Variants in STYXL2 observed in about 807,000 individuals in gnomAD.
STYXL2 encodes the protein serine/threonine/tyrosine interacting like 2.
A neutral mutation model predicts 52.4 loss-of-function variants in STYXL2; 44 were observed. The ratio of observed to expected loss-of-function variants is 0.84; its 90% CI spans 0.66 to 1.08. STYXL2 has a LOEUF of 1.08. Among genes scored for constraint, STYXL2 ranks in the 50% least tolerant of loss-of-function variants. STYXL2 has a pLI of 0.00. For synonymous variants in STYXL2, 604 were observed against 586.9 expected, an observed-to-expected ratio of 1.03 and a Z score of -0.42; for missense variants, 1,604 against 1,471.7, an observed-to-expected ratio of 1.09 and a Z score of -1.47.
chr1:167,127,169 A>C lies in STYXL2; in HGVS notation c.2038A>C (p.Ser680Arg). 1.9e-6 allele frequency: 3 copies of C among 1,614,052 alleles called. No homozygotes were observed. The highest frequency in any genetic ancestry group is 8.5e-7 in the Non-Finnish European group (1 of 1,179,968). ...SADGDTTSVL[S>R]TQSHRSHLSQ... ...TGATGGGGACACGACGTCAGTACTG[A>C]GCACCCAGAGCCACCGCTCCCACCT... Residue 680 changes from serine to arginine, a missense_variant, in exon 6 of 6, where the codon AGC (serine) becomes CGC (arginine). Ser to Arg is a moderately radical substitution (Grantham distance 110, BLOSUM62 -1). Coordinates refer to ENST00000361200, the MANE Select transcript of STYXL2 (RefSeq NM_001080426.3).
rs771254075 is a variant in STYXL2 at position 167,125,948 on chromosome 1, G to A, written c.817G>A (p.Glu273Lys). ...PNEGFLKQLR[E>K]LNEKLMEERE... is the part of the protein sequence containing the mutation. ...TGAGGGCTTCCTGAAGCAGCTGCGGGAGCTCAATGAGAAGTTGATGGAGGA... is the reference window on the plus strand; with the variant it reads ...TGAGGGCTTCCTGAAGCAGCTGCGGAAGCTCAATGAGAAGTTGATGGAGGA... Residue 273 changes from glutamate to lysine, a missense_variant, in exon 6 of 6, where the codon GAG becomes AAG. By Grantham distance (56) the Glu-to-Lys change is moderately conservative (BLOSUM62 1). Transcript: ENST00000361200. 1 of 1,614,014 alleles carries A rather than the reference G, an allele frequency of 6.2e-7. No individual in the cohort carries two copies. Among genetic ancestry groups the A allele is most frequent in the African/African-American group, 1.3e-5 (1 of 75,038 alleles).
intron 5 of STYXL2, among the ~76,000 whole-genome samples, chr1:167,125,058 A>G (rs1401896735): frequency 1.3e-5 from 2 of 152,232 alleles, no homozygotes; most frequent in Admixed American, 1.3e-4. Context: ...AGGACTCAAA[A>G]TAGCCAGGAA....
At chr1:167,121,493 C>CCGCT (rs1444962105) in intron 5 of STYXL2, among the ~76,000 whole-genome samples, 6 of 152,250 alleles carry the variant, frequency 3.9e-5, no homozygotes. Flanking sequence ...CGGCCACGAG[C>CCGCT]CGGCGGTCCC....
intron 4 of STYXL2, among the ~76,000 whole-genome samples, chr1:167,118,609 C>G (rs770273466): frequency 1.3e-5 from 2 of 152,176 alleles, no homozygotes; most frequent in Non-Finnish European, 2.9e-5. Context: ...TGTTCCTTCT[C>G]GGACAACCTG....
In STYXL2 at chr1:167,128,474, G is replaced by C. The variant is rs1668024953; in HGVS notation, c.3343G>C (p.Gly1115Arg). 6.2e-7 allele frequency: 1 copy of C among 1,614,002 alleles called. No homozygotes were observed. The highest frequency in any genetic ancestry group is 8.5e-7 in the Non-Finnish European group (1 of 1,179,948). ...CAGAGAAGAAGGGAGGTTTGCATCT[G>C]GACGGCGGTCCCAGTATCGGAGAAG... ...ENREEGRFASGRRSQYRRSTD... is the reference protein window; with the variant it reads ...ENREEGRFASRRRSQYRRSTD... Residue 1115 changes from glycine (G) to arginine (R), a missense_variant, in exon 6 of 6, where the codon GGA becomes CGA. By Grantham distance (125) the Gly-to-Arg change is moderately radical. Coordinates refer to ENST00000361200, the MANE Select transcript of STYXL2 (RefSeq NM_001080426.3).
At chr1:167,099,983 A>C (rs1320082447) in intron 2 of STYXL2, among the ~76,000 whole-genome samples, 1 of 152,246 alleles carries the variant, frequency 6.6e-6, no homozygotes, top group Non-Finnish European at 1.5e-5. Context: ...AATACCTGAG[A>C]CTGGGTAATG....
chr1:167,107,736 T>G (rs1179408885), intron 2 of STYXL2, among the ~76,000 whole-genome samples: 1 of 152,196 alleles, frequency 6.6e-6, no homozygotes, highest in Admixed American at 6.5e-5. Context: ...AAATACCCAG[T>G]CATGGTCCTT....
Position 167,125,988 on chromosome 1 carries a change from A to G in STYXL2, c.857A>G (p.Tyr286Cys), listed in dbSNP as rs1388145871. The G allele has an allele frequency of 3.7e-6, 6 of 1,612,064 alleles. No individual in the cohort carries two copies. In the African/African-American group the frequency reaches 5.3e-5, roughly 14 times the overall value. The change falls in exon 6 of 6, where the codon TAT (tyrosine) becomes TGT (cysteine). Residue 286 changes from tyrosine (Y) to cysteine (C), a missense_variant. Physicochemically the swap from Tyr to Cys is radical, Grantham distance 194. Coordinates refer to ENST00000361200, the MANE Select transcript of STYXL2 (RefSeq NM_001080426.3). Reference protein sequence around the residue: ...EKLMEEREEDYGREGGSAEAE... With the variant: ...EKLMEEREEDCGREGGSAEAE... ...TTGATGGAGGAGAGAGAAGAGGACT[A>G]TGGCCGGGAGGGGGGATCAGCTGAG...
At chr1:167,119,214 G>A (rs750970721) in intron 4 of STYXL2, 35 bp from the exon 5 acceptor site, 56 of 1,602,728 alleles carry the variant, frequency 3.5e-5, no homozygotes, top group Admixed American at 6.7e-5. Flanking sequence ...TTCTAGTTCC[G>A]ACTCTTGCAA....
Position 167,104,104 on chromosome 1 carries a change from G to A in STYXL2, c.110+9145G>A, listed in dbSNP as rs114208563. ...ACTGCACTCCAGCCTGGGGGACAGA[G>A]CCAGACTCTGTCTTGAAAAAAAAGA... is the stretch of plus-strand genomic sequence containing the variant. On this transcript the variant is annotated intron_variant, in intron 2 of 5. Transcript: ENST00000361200. Among the ~76,000 whole-genome samples, 640 of 152,142 alleles carry A rather than the reference G, an allele frequency of 4.2e-3. 3 individuals are homozygous for A. The highest frequency in any genetic ancestry group is 7.2e-3 in the Non-Finnish European group (492 of 67,998).
chr1:167,104,941 C>T (rs748997583), intron 2 of STYXL2, among the ~76,000 whole-genome samples: 8 of 152,190 alleles, frequency 5.3e-5, no homozygotes, highest in Non-Finnish European at 7.3e-5. Flanking sequence ...TTTAAAGCAA[C>T]GGCTTTCAAA....
chr1:167,111,743 G>A (rs1667628082), intron 2 of STYXL2, among the ~76,000 whole-genome samples: 1 of 151,850 alleles, frequency 6.6e-6, no homozygotes. Context: ...GGGGACTTGA[G>A]GGGAAGGATG....
rs909303733 is a variant in STYXL2 at position 167,125,809 on chromosome 1, A to C, written c.678A>C (p.Glu226Asp). 3 of 1,603,792 alleles carry C rather than the reference A, an allele frequency of 1.9e-6. No individual in the cohort carries two copies. The highest frequency in any genetic ancestry group is 2.6e-6 in the Non-Finnish European group (3 of 1,175,236). The change falls in exon 6 of 6, where the codon GAA becomes GAC. Residue 226 changes from glutamate to aspartate, a missense_variant. Coordinates refer to ENST00000361200, the MANE Select transcript of STYXL2 (RefSeq NM_001080426.3). ...TYRGKVLVSS[E>D]MGISRSAVLV... Reference sequence around the variant, plus strand: ...CAGGGAAAGTCCTGGTCAGCAGCGAAATGGGCATCAGCCGGTCAGCAGTGC... The same window carrying C: ...CAGGGAAAGTCCTGGTCAGCAGCGACATGGGCATCAGCCGGTCAGCAGTGC...
intron 2 of STYXL2, among the ~76,000 whole-genome samples, chr1:167,103,154 C>T (rs1463338801): frequency 6.6e-6 from 1 of 152,186 alleles, no homozygotes; most frequent in African/African-American, 2.4e-5. Context: ...TCTGCTCTGT[C>T]TTCTCTTCTC....
rs186768556 is a variant in STYXL2, at chr1:167,110,757, C to T, written c.111-2953C>T. On this transcript the variant is annotated intron_variant, in intron 2 of 5. Transcript: ENST00000361200. ...ATGTCAACCTCACCGGTACCTTTAACGGAGCATAACAATCCTGACCACAAC... is the reference window on the plus strand; with the variant it reads ...ATGTCAACCTCACCGGTACCTTTAATGGAGCATAACAATCCTGACCACAAC... 1.7e-3 allele frequency among the ~76,000 whole-genome samples: 263 copies of T among 152,336 alleles called. 2 individuals are homozygous for T. The highest frequency in any genetic ancestry group is 6.1e-3 in the African/African-American group (252 of 41,572).
intron 3 of STYXL2, among the ~76,000 whole-genome samples, chr1:167,114,781 C>T (rs761846084): frequency 4.0e-5 from 6 of 150,530 alleles, no homozygotes; most frequent in Non-Finnish European, 8.8e-5. Context: ...TTCTTCCATA[C>T]CTGGGGTCTC....
intron 5 of STYXL2, among the ~76,000 whole-genome samples, chr1:167,123,014 G>A (rs1667890675): frequency 6.6e-6 from 1 of 152,174 alleles, no homozygotes; most frequent in South Asian, 2.1e-4. Flanking sequence ...AATCAGCCCT[G>A]CTGGTAATCA....
chr1:167,120,080 G>A (rs188741341), intron 5 of STYXL2, among the ~76,000 whole-genome samples: 10 of 152,308 alleles, frequency 6.6e-5, no homozygotes, highest in Admixed American at 5.2e-4. Flanking sequence ...AAGTTGGAGC[G>A]GCACCTTGAT....
chr1:167,105,463 C>T (rs540074458), intron 2 of STYXL2, among the ~76,000 whole-genome samples: 4 of 152,134 alleles, frequency 2.6e-5, no homozygotes, highest in Non-Finnish European at 4.4e-5. Flanking sequence ...GCCCTCACTG[C>T]TTTCTAATCA....
Sources: gnomAD v4.1 joint callset for allele counts (sites outside exome capture counted in the v4.1 genomes callset) on GRCh38, gnomAD v4.1.1 for gene constraint, MANE v1.5 for transcripts, NCBI Gene and HGNC (gene_info 2026-07-23, HGNC 2026-07-21) for gene names.